Variants in ZNF438 observed in about 807,000 individuals in gnomAD.
The protein encoded by ZNF438 is zinc finger protein 438.
In ZNF438, 25 loss-of-function variants were observed where a neutral mutation model predicts 38.0. That is an observed-to-expected ratio of 0.66 (90% CI 0.48 to 0.92). ZNF438 has a LOEUF of 0.92. Ranked by LOEUF, ZNF438 falls within the 40% of genes least tolerant of loss-of-function variation. The pLI, the probability that ZNF438 is intolerant of heterozygous loss-of-function variation, is 0.00. For missense variants in ZNF438, 1,007 were observed against 999.6 expected (o/e 1.01, Z -0.10); for synonymous variants, 372 against 364.1 (o/e 1.02, Z -0.25).
chr10:30,952,370 G>A (rs2048319371), intron 1 of ZNF438, among the ~76,000 whole-genome samples: 1 of 151,888 alleles, frequency 6.6e-6, no homozygotes, highest in Non-Finnish European at 1.5e-5. Flanking sequence ...AACACCAAAA[G>A]CAATGGCAAC....
intron 1 of ZNF438, among the ~76,000 whole-genome samples, chr10:30,943,959 G>T (rs1371910374): frequency 6.6e-6 from 1 of 152,082 alleles, no homozygotes; most frequent in Non-Finnish European, 1.5e-5. Flanking sequence ...TATGAGAGAA[G>T]ATCAAAGTTC....
At chr10:30,849,540 T>C (rs2033116423) in exon 5 of ZNF438, 1 of 1,614,266 alleles carries the variant, frequency 6.2e-7, no homozygotes, top group Non-Finnish European at 8.5e-7. Flanking sequence ...AGTTTCCCTT[T>C]GGGGACTGAA....
chr10:30,999,730 A>G (rs1321473869), intron 1 of ZNF438, among the ~76,000 whole-genome samples: 1 of 152,212 alleles, frequency 6.6e-6, no homozygotes, highest in Non-Finnish European at 1.5e-5. Flanking sequence ...ATTTATTTAT[A>G]TGAATGATTT....
chr10:31,019,864 G>A (rs1330240219), intron 1 of ZNF438, among the ~76,000 whole-genome samples: 1 of 152,084 alleles, frequency 6.6e-6, no homozygotes, highest in Non-Finnish European at 1.5e-5. Context: ...AACTGTAAGT[G>A]AAATCCATAC....
chr10:31,015,344 A>C (rs1456747303), intron 1 of ZNF438, among the ~76,000 whole-genome samples: 1 of 152,220 alleles, frequency 6.6e-6, no homozygotes, highest in Non-Finnish European at 1.5e-5. Context: ...AATAATTTTT[A>C]CAAGAATACA....
At chr10:31,019,063 T>A (rs2056407416) in intron 1 of ZNF438, among the ~76,000 whole-genome samples, 1 of 152,230 alleles carries the variant, frequency 6.6e-6, no homozygotes, top group South Asian at 2.1e-4. Context: ...GTTCTGGTAG[T>A]AGAAGAAAGG....
intron 4 of ZNF438, among the ~76,000 whole-genome samples, chr10:30,864,252 T>C (rs776634045): frequency 6.6e-6 from 1 of 152,190 alleles, no homozygotes; most frequent in Non-Finnish European, 1.5e-5. Flanking sequence ...GCTCAAATCC[T>C]GATATATTAA....
chr10:31,026,402 C>A (rs75511418), intron 1 of ZNF438, among the ~76,000 whole-genome samples: 71,174 of 150,880 alleles, frequency 0.47, 17,840 homozygotes, highest in Middle Eastern at 0.58. Flanking sequence ...AAGAAAAAAT[C>A]AAACAACCCC....
chr10:30,902,924 T>C (rs922579287), intron 3 of ZNF438, among the ~76,000 whole-genome samples: 2 of 152,154 alleles, frequency 1.3e-5, no homozygotes, highest in Non-Finnish European at 2.9e-5. Context: ...GACTCAGGCA[T>C]GTCGGGCTGC....
At chr10:30,981,247 C>T (rs549004094) in intron 1 of ZNF438, among the ~76,000 whole-genome samples, 3 of 152,284 alleles carry the variant, frequency 2.0e-5, no homozygotes, top group African/African-American at 4.8e-5. Flanking sequence ...TAAAGCTAGA[C>T]AAGAAACACA....
intron 2 of ZNF438, among the ~76,000 whole-genome samples, chr10:30,913,175 A>G (rs2043253541): frequency 6.6e-6 from 1 of 152,098 alleles, no homozygotes; most frequent in African/African-American, 2.4e-5. Flanking sequence ...GGACAAGTCA[A>G]CTTCATGCTT....
At chr10:30,868,116 C>T in intron 4 of ZNF438, among the ~76,000 whole-genome samples, 1 of 150,552 alleles carries the variant, frequency 6.6e-6, no homozygotes, top group African/African-American at 2.5e-5. Context: ...GTTGCCCAGG[C>T]TGGAGTGCAA....
exon 6 of ZNF438, chr10:30,844,809 T>C: frequency 1.0e-6 from 1 of 1,001,928 alleles, no homozygotes; most frequent in East Asian, 2.4e-5. Flanking sequence ...TTTATTTCGT[T>C]AAGAAAATAA....
intron 1 of ZNF438, among the ~76,000 whole-genome samples, chr10:31,010,892 G>GGAAAAAAAAAA (rs2055616839): frequency 6.5e-5 from 6 of 92,594 alleles, no homozygotes; most frequent in Non-Finnish European, 1.2e-4. Flanking sequence ...GACCCTGTTT[G>GGAAAAAAAAAA]AAAAAAAAAA....
At chr10:30,979,418 A>T (rs1371374389) in intron 1 of ZNF438, among the ~76,000 whole-genome samples, 3 of 152,228 alleles carry the variant, frequency 2.0e-5, no homozygotes, top group Non-Finnish European at 4.4e-5. Flanking sequence ...ACTACTTTAA[A>T]CTGCATATGG....
intron 2 of ZNF438, among the ~76,000 whole-genome samples, chr10:30,938,778 TTTA>T (rs1416099180): frequency 6.9e-5 from 1 of 14,536 alleles, no homozygotes. Flanking sequence ...GGAAGCAAAC[TTTA>T]TTTATTTATT....
intron 1 of ZNF438, among the ~76,000 whole-genome samples, chr10:31,023,413 A>G (rs2056740820): frequency 6.6e-6 from 1 of 152,236 alleles, no homozygotes; most frequent in Non-Finnish European, 1.5e-5. Flanking sequence ...CACAAATAAT[A>G]TATTACCTCT....
chr10:30,851,011 C>T (rs1328993727), intron 4 of ZNF438, among the ~76,000 whole-genome samples: 1 of 152,196 alleles, frequency 6.6e-6, no homozygotes, highest in East Asian at 1.9e-4. Flanking sequence ...CCCCATGTGA[C>T]TTACGAATTT....
chr10:30,877,018 G>A, exon 4 of ZNF438: 1 of 1,605,894 alleles, frequency 6.2e-7, no homozygotes, highest in Non-Finnish European at 8.5e-7. Context: ...TGGTGGTACT[G>A]ATACAGAATT....
Sources: allele counts gnomAD v4.1 joint callset (sites outside exome capture counted in the v4.1 genomes callset), GRCh38; gene constraint gnomAD v4.1.1; transcripts MANE v1.5; gene names NCBI Gene and HGNC (gene_info 2026-07-23, HGNC 2026-07-21).